HRNR: variants seen among roughly 807,000 people sequenced by gnomAD.
HRNR encodes filaggrin family member 3.
HRNR carries 7 observed loss-of-function variants against 4.8 expected under a neutral mutation model. The observed-to-expected ratio is 1.47, with a 90% CI of 0.83 to 2.75. The LOEUF is 2.75. HRNR is among the 30% of genes most tolerant of loss of function. The pLI, the probability that HRNR is intolerant of heterozygous loss-of-function variation, is 0.00. For missense variants in HRNR, 2,879 were observed against 3,010.4 expected, an observed-to-expected ratio of 0.96 and a Z score of 1.02; for synonymous variants, 1,023 against 1,242.7, an observed-to-expected ratio of 0.82 and a Z score of 3.72.
Position 152,212,197 on chromosome 1 carries a change from C to G in HRNR, c.*879G>C. On this transcript the variant is annotated 3_prime_UTR_variant, in exon 3 of 3. Transcript: ENST00000368801. ...CTATGTAGCAGTGACAGATACTCTT[C>G]CTTTTCATCTGGGCATGGATGATAT... is the stretch of plus-strand genomic sequence containing the variant. 1 of 152,156 alleles carries G rather than the reference C, an allele frequency of 6.6e-6. No individual in the cohort carries two copies. The highest frequency in any genetic ancestry group is 1.9e-4 in the East Asian group (1 of 5,200). 9.4% of individuals were successfully genotyped at this position (152,156 alleles called of 1,614,324 possible).
At position 152,219,411 on chromosome 1, in the gene HRNR, C is replaced by G. The variant is rs767894889; in HGVS notation, c.2218G>C (p.Glu740Gln). 15 of 1,614,110 alleles carry G rather than the reference C, an allele frequency of 9.3e-6. No homozygotes were observed. In the East Asian group the frequency reaches 3.1e-4, roughly 34 times the overall value. Residue 740 changes from glutamate (E) to glutamine (Q), a missense_variant, in exon 3 of 3, where the codon GAA (glutamate) becomes CAA (glutamine). Physicochemically the swap from Glu to Gln is conservative, Grantham distance 29. Coordinates refer to ENST00000368801, the MANE Select transcript of HRNR (RefSeq NM_001009931.3). ...GSRSGQSSRS[E>Q]QHGSSSGLSS... Reference sequence around the variant, plus strand: ...AAACCTGAGCTAGATCCGTGTTGTTCACTCCTAGATGACTGTCCTGACCTA... The same window carrying G: ...AAACCTGAGCTAGATCCGTGTTGTTGACTCCTAGATGACTGTCCTGACCTA...
rs772226648 is a variant in HRNR at position 152,220,338 on chromosome 1, A to C, written c.1291T>G (p.Ser431Ala). 1.3e-5 allele frequency: 21 copies of C among 1,612,502 alleles called. No individual in the cohort carries two copies. The highest frequency in any genetic ancestry group is 1.8e-5 in the Non-Finnish European group (21 of 1,179,600). The change falls in exon 3 of 3, where the codon TCT (serine) becomes GCT (alanine). Residue 431 changes from serine (S) to alanine (A), a missense_variant. This residue lies in a region of HRNR where 2,646 missense variants were observed against 1,377.7 expected (regional missense o/e 1.92). Coordinates refer to ENST00000368801, the MANE Select transcript of HRNR (RefSeq NM_001009931.3). ...GAGCTGGGAGACTGCCCTGACCCAG[A>C]CCCACGCTGGCCGTGGCCTGGAGAC... is the stretch of plus-strand genomic sequence containing the variant. ...GQSPGHGQRG[S>A]GSGQSPSSGQ...
rs200947175 is a variant in HRNR, at chr1:152,219,368, T to C, written c.2261A>G (p.Gln754Arg). 1 of 1,614,076 alleles carries C rather than the reference T, an allele frequency of 6.2e-7. No individual in the cohort carries two copies. Among genetic ancestry groups the C allele is most frequent in the Non-Finnish European group, 8.5e-7 (1 of 1,180,024 alleles). Residue 754 changes from glutamine (Q) to arginine (R), a missense_variant, in exon 3 of 3, where the codon CAG (glutamine) becomes CGG (arginine). Physicochemically the swap from Gln to Arg is conservative, Grantham distance 43. Transcript: ENST00000368801. Reference sequence around the variant, plus strand: ...AGATTGATGGGAGCCCGACCCATGCTGACCATAGCTGGAAGACAAACCTGA... The same window carrying C: ...AGATTGATGGGAGCCCGACCCATGCCGACCATAGCTGGAAGACAAACCTGA... ...SSSGLSSSYG[Q>R]HGSGSHQSSG... is the part of the protein sequence containing the mutation.
chr1:152,219,285 C>A lies in HRNR; in HGVS notation c.2344G>T (p.Gly782Trp). ...CTGGAGGAGTGCCCTGAACTGGACC[C>A]ATGTCGGACACGGCTAGGAGAGTGG... ...SGHSPSRVRH[G>W]SSSGHSSSHG... Residue 782 changes from glycine to tryptophan, a missense_variant, in exon 3 of 3, where the codon GGG becomes TGG. Gly to Trp is a radical substitution (Grantham distance 184). This residue lies in a region of HRNR where 2,646 missense variants were observed against 1,377.7 expected (regional missense o/e 1.92). Coordinates refer to ENST00000368801, the MANE Select transcript of HRNR (RefSeq NM_001009931.3). 4 of 1,613,408 alleles carry A rather than the reference C, an allele frequency of 2.5e-6. No individual in the cohort carries two copies. The highest frequency in any genetic ancestry group is 2.2e-5 in the East Asian group (1 of 44,828).
At position 152,213,057 on chromosome 1, in the gene HRNR, T is replaced by C; in HGVS notation, c.*19A>G. On this transcript the variant is annotated 3_prime_UTR_variant, in exon 3 of 3. Transcript: ENST00000368801. ...TTTCTTAAATTGCTACTTGAGTAAATTGCATTTATGTTTATTATTCACTGA... is the reference window on the plus strand; with the variant it reads ...TTTCTTAAATTGCTACTTGAGTAAACTGCATTTATGTTTATTATTCACTGA... 2 of 1,592,684 alleles carry C rather than the reference T, an allele frequency of 1.3e-6. No individual in the cohort carries two copies. Among genetic ancestry groups the C allele is most frequent in the Non-Finnish European group, 1.7e-6 (2 of 1,169,380 alleles).
chr1:152,219,636 G>A lies in HRNR; in HGVS notation c.1993C>T (p.His665Tyr), dbSNP rs1405446493. 1.9e-6 allele frequency: 3 copies of A among 1,612,500 alleles called. No individual in the cohort carries two copies. The highest frequency in any genetic ancestry group is 1.7e-5 in the Admixed American group (1 of 59,914). Residue 665 changes from histidine to tyrosine, a missense_variant, in exon 3 of 3, where the codon CAT becomes TAT. Coordinates refer to ENST00000368801, the MANE Select transcript of HRNR (RefSeq NM_001009931.3). The stretch of plus-strand genomic sequence containing the variant: ...GAAGAGTGCCCAAAATCGGACCCAT[G>A]TCGGCCGCGACTAGGAGACTGGCCA... ...GSGQSPSRGR[H>Y]GSDFGHSSSY...
rs1241163626 is a variant in HRNR at position 152,218,842 on chromosome 1, A to G, written c.2787T>C (p.Ser929=). The G allele has an allele frequency of 5.6e-6, 9 of 1,613,894 alleles. No individual in the cohort carries two copies. The highest frequency in any genetic ancestry group is 7.6e-6 in the Non-Finnish European group (9 of 1,179,980). The change falls in exon 3 of 3, where the codon TCT becomes TCC. Residue 929 remains serine, a synonymous_variant. Transcript: ENST00000368801. ...AGCTAGACTTGTGACCAAAGCCAGAAGACTGGCCTGAGCCAGACCCATGTC... is the reference window on the plus strand; with the variant it reads ...AGCTAGACTTGTGACCAAAGCCAGAGGACTGGCCTGAGCCAGACCCATGTC... The part of the protein sequence containing the change: ...SGRHGSGSGQ[S]SGFGHKSSSG...
chr1:152,219,043 A>G lies in HRNR; in HGVS notation c.2586T>C (p.Gly862=), dbSNP rs375566480. ...SSSGQHDSSS[G]QSSSYGQHES... is the part of the protein sequence containing the mutation. Reference sequence around the variant, plus strand: ...CATGCTGACCATAGCTGGAAGATTGACCTGAGCTAGAGTCATGTTGGCCGG... The same window carrying G: ...CATGCTGACCATAGCTGGAAGATTGGCCTGAGCTAGAGTCATGTTGGCCGG... Residue 862 remains glycine, a synonymous_variant, in exon 3 of 3, where the codon GGT becomes GGC. Coordinates refer to ENST00000368801, the MANE Select transcript of HRNR (RefSeq NM_001009931.3). 3.7e-6 allele frequency: 6 copies of G among 1,613,680 alleles called. No homozygotes were observed. In the East Asian group the frequency reaches 8.9e-5, roughly 24 times the overall value.
Position 152,218,193 on chromosome 1 carries a change from A to G in HRNR, c.3436T>C (p.Ser1146Pro). 7.2e-7 allele frequency: 1 copy of G among 1,381,202 alleles called. No individual in the cohort carries two copies. Among genetic ancestry groups the G allele is most frequent in the Non-Finnish European group, 1.0e-6 (1 of 996,386 alleles). The allele number at this position is 1,381,202 out of a possible 1,614,324, so 85.6% of individuals were successfully genotyped here. A position where few individuals can be genotyped will look rare whatever the true frequency, so the allele number is the denominator to read the frequency against. ...CTGCTGGAAGACCGACCGGAGCCAG[A>G]CCCATGTCGGCCGTAGCTGGGAGAC... ...RQSPSYGRHG[S>P]GSGRSSSSGQ... is the part of the protein sequence containing the mutation. Residue 1146 changes from serine (S) to proline (P), a missense_variant, in exon 3 of 3, where the codon TCT becomes CCT. Ser to Pro is a moderately conservative substitution (Grantham distance 74). This residue lies in a region of HRNR where 26 missense variants were observed against 79.4 expected (regional missense o/e 0.33). Coordinates refer to ENST00000368801, the MANE Select transcript of HRNR (RefSeq NM_001009931.3).
rs1381588170 is a variant in HRNR, at chr1:152,218,742, T to C, written c.2887A>G (p.Arg963Gly). Residue 963 changes from arginine (R) to glycine (G), a missense_variant, in exon 3 of 3, where the codon AGG (arginine) becomes GGG (glycine). This residue lies in a region of HRNR where 2,646 missense variants were observed against 1,377.7 expected (regional missense o/e 1.92). Transcript: ENST00000368801. ...TCGCTCCTAGATGACTGTCCTGACC[T>C]AGAGCCGTGTTGTTCGTAGCTGGAG... is the stretch of plus-strand genomic sequence containing the variant. ...HSSSYEQHGS[R>G]SGQSSRSEQH... 2.5e-6 allele frequency: 4 copies of C among 1,613,546 alleles called. No individual in the cohort carries two copies. Among genetic ancestry groups the C allele is most frequent in the Non-Finnish European group, 3.4e-6 (4 of 1,179,962 alleles).
At chr1:152,221,815 A>G (rs754027215) in intron 2 of HRNR, among the ~76,000 whole-genome samples, 1 of 150,698 alleles carries the variant, frequency 6.6e-6, no homozygotes, top group African/African-American at 2.5e-5. Flanking sequence ...TACATTAATT[A>G]TATCAACTTT....
In HRNR at chr1:152,219,917, C is replaced by T. The variant is rs375817815; in HGVS notation, c.1712G>A (p.Arg571His). 6.6e-5 allele frequency: 106 copies of T among 1,612,460 alleles called. No individual in the cohort carries two copies. In the East Asian group the frequency reaches 9.4e-4, roughly 14 times the overall value. ...HGYGSGRSSSRGPYESGSGHS... is the reference protein window; with the variant it reads ...HGYGSGRSSSHGPYESGSGHS... Reference sequence around the variant, plus strand: ...ACCGGAGCCAGACTCATATGGGCCACGGCTTGAAGACCTCCCTGAGCCATA... The same window carrying T: ...ACCGGAGCCAGACTCATATGGGCCATGGCTTGAAGACCTCCCTGAGCCATA... Residue 571 changes from arginine to histidine, a missense_variant, in exon 3 of 3, where the codon CGT becomes CAT. Arg to His is a conservative substitution (Grantham distance 29, BLOSUM62 0). This residue lies in a region of HRNR where 2,646 missense variants were observed against 1,377.7 expected (regional missense o/e 1.92). Coordinates refer to ENST00000368801, the MANE Select transcript of HRNR (RefSeq NM_001009931.3).
At position 152,220,584 on chromosome 1, in the gene HRNR, C is replaced by G. The variant is rs1236292244; in HGVS notation, c.1045G>C (p.Gly349Arg). Residue 349 changes from glycine (G) to arginine (R), a missense_variant, in exon 3 of 3, where the codon GGG (glycine) becomes CGG (arginine). Around this residue, in one of 8 missense-constraint regions of HRNR, gnomAD observed 2,646 missense variants for 1,377.7 expected, o/e 1.92. Coordinates refer to ENST00000368801, the MANE Select transcript of HRNR (RefSeq NM_001009931.3). ...TGTCCTGAGCCAGACTCATGTTGCC[C>G]AAAGCCAGAAGTCTGGCCTGAGCCA... ...ESGSGQTSGF[G>R]QHESGSGQSS... 1 of 1,607,404 alleles carries G rather than the reference C, an allele frequency of 6.2e-7. No homozygotes were observed.
chr1:152,219,088 C>G lies in HRNR; in HGVS notation c.2541G>C (p.Thr847=). Residue 847 remains threonine, a synonymous_variant, in exon 3 of 3, where the codon ACG becomes ACC. Coordinates refer to ENST00000368801, the MANE Select transcript of HRNR (RefSeq NM_001009931.3). ...HFSSQGRHGS[T]SGQSSSSGQH... ...GGCCGGAGCTTGATGACTGCCCTGA[C>G]GTAGATCCATGTCGTCCCTGGCTAG... The G allele has an allele frequency of 6.2e-7, 1 of 1,613,386 alleles. No homozygotes were observed. The highest frequency in any genetic ancestry group is 8.5e-7 in the Non-Finnish European group (1 of 1,179,884).
rs765789027 is a variant in HRNR at position 152,218,946 on chromosome 1, G to C, written c.2683C>G (p.Gln895Glu). The C allele has an allele frequency of 6.2e-7, 1 of 1,613,966 alleles. No individual in the cohort carries two copies. Among genetic ancestry groups the C allele is most frequent in the South Asian group, 1.1e-5 (1 of 91,056 alleles). Residue 895 changes from glutamine to glutamate, a missense_variant, in exon 3 of 3, where the codon CAG becomes GAG. By Grantham distance (29) the Gln-to-Glu change is conservative. This residue lies in a region of HRNR where 2,646 missense variants were observed against 1,377.7 expected (regional missense o/e 1.92). Transcript: ENST00000368801. ...SGSGQSPGHGQRGSGSGQSPS... is the reference protein window; with the variant it reads ...SGSGQSPGHGERGSGSGQSPS... ...GACTGCCCTGACCCAGACCCACGCT[G>C]GCCGTGGCCTGGAGACTGGCCAGAT...
chr1:152,217,454 C>A lies in HRNR; in HGVS notation c.4175G>T (p.Gly1392Val). 1.4e-5 allele frequency: 1 copy of A among 73,628 alleles called. No homozygotes were observed. Among genetic ancestry groups the A allele is most frequent in the Non-Finnish European group, 3.2e-5 (1 of 31,626 alleles). The allele number at this position is 73,628 out of a possible 1,614,324, so 4.6% of individuals were successfully genotyped here. The change falls in exon 3 of 3, where the codon GGG becomes GTG. Residue 1392 changes from glycine (G) to valine (V), a missense_variant. Around this residue, in one of 8 missense-constraint regions of HRNR, gnomAD observed 5 missense variants for 621.9 expected, o/e 0.01. Coordinates refer to ENST00000368801, the MANE Select transcript of HRNR (RefSeq NM_001009931.3). ...TCCAGAAGACTGACCTGAGCCAGAC[C>A]CATGTCGGCCACTGCTGGAAGACCA... ...SGWSSSSGRH[G>V]SGSGQSSGFG... is the part of the protein sequence containing the mutation.
In HRNR at chr1:152,219,627, C is replaced by A. The variant is rs765957331; in HGVS notation, c.2002G>T (p.Asp668Tyr). 1.2e-5 allele frequency: 19 copies of A among 1,575,818 alleles called. No homozygotes were observed. In the South Asian group the frequency reaches 1.8e-4, roughly 15 times the overall value. Residue 668 changes from aspartate (D) to tyrosine (Y), a missense_variant, in exon 3 of 3, where the codon GAT becomes TAT. By Grantham distance (160) the Asp-to-Tyr change is radical (BLOSUM62 -3). Around this residue, in one of 8 missense-constraint regions of HRNR, gnomAD observed 2,646 missense variants for 1,377.7 expected, o/e 1.92. Transcript: ENST00000368801. Reference sequence around the variant, plus strand: ...CCGTAGCTGGAAGAGTGCCCAAAATCGGACCCATGTCGGCCGCGACTAGGA... The same window carrying A: ...CCGTAGCTGGAAGAGTGCCCAAAATAGGACCCATGTCGGCCGCGACTAGGA... ...QSPSRGRHGSDFGHSSSYGQH... is the reference protein window; with the variant it reads ...QSPSRGRHGSYFGHSSSYGQH...
Position 152,218,513 on chromosome 1 carries a change from G to A in HRNR, c.3116C>T (p.Pro1039Leu). The change falls in exon 3 of 3, where the codon CCA (proline) becomes CTA (leucine). Residue 1039 changes from proline (P) to leucine (L), a missense_variant. Physicochemically the swap from Pro to Leu is moderately conservative, Grantham distance 98 (BLOSUM62 -3). This residue lies in a region of HRNR where 2,646 missense variants were observed against 1,377.7 expected (regional missense o/e 1.92). Transcript: ENST00000368801. ...SGSGWSSSRG[P>L]YESGSGHSSG... ...AGAGTGACCGGAGCCAGACTCATATGGGCCACGGCTTGAAGACCACCCTGA... is the reference window on the plus strand; with the variant it reads ...AGAGTGACCGGAGCCAGACTCATATAGGCCACGGCTTGAAGACCACCCTGA... 2 of 1,613,038 alleles carry A rather than the reference G, an allele frequency of 1.2e-6. No individual in the cohort carries two copies. The highest frequency in any genetic ancestry group is 1.1e-5 in the South Asian group (1 of 90,992).
chr1:152,221,360 C>G lies in HRNR; in HGVS notation c.269G>C (p.Gly90Ala), dbSNP rs774755245. Residue 90 changes from glycine (G) to alanine (A), a missense_variant, in exon 3 of 3, where the codon GGC becomes GCC. Physicochemically the swap from Gly to Ala is moderately conservative, Grantham distance 60. Transcript: ENST00000368801. ...KLVQARNKII[G>A]KDYCQVSGSK... ...CCCTGAAACTTGGCAGTAATCTTTG[C>G]CAATGATTTTATTACGAGCCTGAAC... 13 of 1,613,854 alleles carry G rather than the reference C, an allele frequency of 8.1e-6. No homozygotes were observed. Among genetic ancestry groups the G allele is most frequent in the Admixed American group, 1.7e-5 (1 of 60,010 alleles).
Sources: allele counts gnomAD v4.1 joint callset (sites outside exome capture counted in the v4.1 genomes callset), GRCh38; gene constraint gnomAD v4.1.1; regional missense constraint gnomAD v4.1.1; transcripts MANE v1.5; gene names NCBI Gene and HGNC (gene_info 2026-07-23, HGNC 2026-07-21).